The following RASGRF1 variants were observed in gnomAD, a reference collection of about 807,000 sequenced individuals.
RASGRF1 encodes the protein ras-specific guanine nucleotide-releasing factor 1.
In RASGRF1, 40 loss-of-function variants were observed where a neutral mutation model predicts 138.7. The ratio of observed to expected loss-of-function variants is 0.29; its 90% CI spans 0.22 to 0.38. The LOEUF (loss-of-function observed/expected upper bound fraction) is 0.38. Among genes scored for constraint, RASGRF1 ranks in the 10% least tolerant of loss-of-function variants. The pLI is 1.00. For synonymous variants in RASGRF1, 614 were observed against 663.2 expected (o/e 0.93, Z 1.14); for missense variants, 1,108 against 1,650.4 (o/e 0.67, Z 5.69).
intron 16 of RASGRF1, among the ~76,000 whole-genome samples, chr15:79,001,248 C>T (rs574656067): frequency 6.6e-6 from 1 of 151,134 alleles, no homozygotes; most frequent in Non-Finnish European, 1.5e-5. Flanking sequence ...ACCTTCTGAA[C>T]CAGGATCTTC....
chr15:79,031,705 A>G (rs1293102771), intron 7 of RASGRF1, among the ~76,000 whole-genome samples, 196 bp from the exon 8 acceptor site: 1 of 136,106 alleles, frequency 7.3e-6, no homozygotes, highest in Non-Finnish European at 1.6e-5. Context: ...AGAGAGAGAG[A>G]GAGAGCGCGT....
At chr15:79,086,579 C>G (rs975567602) in intron 1 of RASGRF1, among the ~76,000 whole-genome samples, 7 of 148,224 alleles carry the variant, frequency 4.7e-5, no homozygotes, top group Non-Finnish European at 7.5e-5. Context: ...TCTAAGACCC[C>G]CCCCCCCCAG....
intron 16 of RASGRF1, among the ~76,000 whole-genome samples, 159 bp downstream of exon 16, chr15:79,001,503 G>C (rs1012450447): frequency 2.6e-5 from 4 of 152,150 alleles, no homozygotes; most frequent in African/African-American, 9.7e-5. Flanking sequence ...GCGGGGGGCG[G>C]GTGGTGGTGG....
intron 24 of RASGRF1, among the ~76,000 whole-genome samples, chr15:78,978,225 T>TTTG (rs1321336036): frequency 7.1e-5 from 4 of 56,168 alleles, no homozygotes; most frequent in East Asian, 7.4e-4. Context: ...CTTTTGTTTT[T>TTTG]TTTTTTTTTT....
chr15:79,019,746 C>T (rs1286043470), intron 11 of RASGRF1, among the ~76,000 whole-genome samples: 1 of 152,218 alleles, frequency 6.6e-6, no homozygotes, highest in Non-Finnish European at 1.5e-5. Flanking sequence ...GCCCAGGGAG[C>T]TTGGAACGAA....
intron 2 of RASGRF1, among the ~76,000 whole-genome samples, chr15:79,063,922 C>T (rs1276591956): frequency 6.6e-6 from 1 of 152,162 alleles, no homozygotes; most frequent in Non-Finnish European, 1.5e-5. Flanking sequence ...AGGGAGTCTC[C>T]CTACAGGGGG....
In RASGRF1 at chr15:79,090,176, G is replaced by T. The variant is rs1311357794; in HGVS notation, c.276+47C>A. 2.0e-6 allele frequency: 3 copies of T among 1,533,814 alleles called. No individual in the cohort carries two copies. The South Asian group carries it at 3.7e-5, about 19-fold the overall frequency. ...CCAGCCGAAGGCCCTGAGCCCCCAGGGCCGCGGCCGGGACGCAGGGAGGTC... is the reference window on the plus strand; with the variant it reads ...CCAGCCGAAGGCCCTGAGCCCCCAGTGCCGCGGCCGGGACGCAGGGAGGTC... On this transcript the variant is annotated intron_variant, in intron 1 of 26. Transcript: ENST00000558480.
At chr15:78,966,759 C>T (rs1329533128) in intron 26 of RASGRF1, among the ~76,000 whole-genome samples, 1 of 152,068 alleles carries the variant, frequency 6.6e-6, no homozygotes, top group African/African-American at 2.4e-5. Context: ...TCTTACAGAG[C>T]CCCCCAAATC....
intron 3 of RASGRF1, among the ~76,000 whole-genome samples, chr15:79,056,938 C>T (rs1178485774): frequency 6.6e-6 from 1 of 152,170 alleles, no homozygotes; most frequent in Non-Finnish European, 1.5e-5. Flanking sequence ...TTTGATGGGA[C>T]CATGAGCACA....
At chr15:78,962,288 T>C (rs2055561351) in intron 26 of RASGRF1, 52 bp from the exon 27 acceptor site, 4 of 1,278,528 alleles carry the variant, frequency 3.1e-6, no homozygotes, top group Non-Finnish European at 4.4e-6. Flanking sequence ...ACCTCCATAG[T>C]ACTGATTGTG....
intron 3 of RASGRF1, among the ~76,000 whole-genome samples, chr15:79,054,463 A>C (rs997406496): frequency 1.3e-5 from 2 of 151,980 alleles, no homozygotes; most frequent in African/African-American, 4.8e-5. Flanking sequence ...TTTTGCAGAT[A>C]CTCTGGTTCT....
intron 13 of RASGRF1, among the ~76,000 whole-genome samples, chr15:79,008,542 A>C (rs1394572981): frequency 6.6e-6 from 1 of 152,248 alleles, no homozygotes; most frequent in Non-Finnish European, 1.5e-5. Context: ...ATGAAGAGGG[A>C]GTAATCCAAG....
intron 2 of RASGRF1, among the ~76,000 whole-genome samples, chr15:79,059,431 C>T (rs1203073875): frequency 3.0e-5 from 4 of 132,224 alleles, no homozygotes; most frequent in Non-Finnish European, 6.4e-5. Flanking sequence ...TCCCTATCCT[C>T]CCTTATCCTT....
chr15:78,978,740 A>C, intron 24 of RASGRF1: 2 of 1,108,804 alleles, frequency 1.8e-6, no homozygotes, highest in South Asian at 4.7e-5. Flanking sequence ...AAAACCTTAG[A>C]GCCTCAGGAG....
chr15:78,998,278 G>T, intron 18 of RASGRF1, 70 bp from the exon 19 acceptor site: 1 of 1,273,064 alleles, frequency 7.9e-7, no homozygotes, highest in Non-Finnish European at 1.1e-6. Context: ...CTGGGCCCAG[G>T]CCAGAGGAAG....
chr15:79,017,410 C>CCTG (rs2056894154), intron 12 of RASGRF1, among the ~76,000 whole-genome samples: 1 of 152,168 alleles, frequency 6.6e-6, no homozygotes, highest in Admixed American at 6.5e-5. Context: ...GGGGCATGTA[C>CCTG]TAAAATGCGG....
chr15:79,039,009 G>C (rs2057259339), intron 5 of RASGRF1, among the ~76,000 whole-genome samples: 2 of 152,054 alleles, frequency 1.3e-5, no homozygotes, highest in South Asian at 4.1e-4. Flanking sequence ...CTTTTTACTA[G>C]GCTGGTTTTT....
chr15:78,991,392 C>G (rs2056263951), intron 21 of RASGRF1, among the ~76,000 whole-genome samples: 3 of 152,220 alleles, frequency 2.0e-5, no homozygotes, highest in Admixed American at 2.0e-4. Context: ...CAGTTTCTCA[C>G]AGGTACATGT....
rs1359263831 is a variant in RASGRF1 at position 78,996,756 on chromosome 15, A to C, written c.2967-956T>G. On this transcript the variant is annotated intron_variant, in intron 19 of 26. Transcript: ENST00000558480. ...TGTGTGCGTGTGTGTGTGTGTGGGC[A>C]TGTGTGCACACACTCTGGCCTCTGT... Among the ~76,000 whole-genome samples the C allele has an allele frequency of 7.2e-5, 11 of 151,744 alleles. No individual in the cohort carries two copies. In the South Asian group the frequency reaches 2.3e-3, roughly 32 times the overall value.
Sources: allele counts gnomAD v4.1 joint callset (sites outside exome capture counted in the v4.1 genomes callset), GRCh38; gene constraint gnomAD v4.1.1; transcripts MANE v1.5; gene names NCBI Gene and HGNC (gene_info 2026-07-23, HGNC 2026-07-21).